Variants in KDM4C observed in about 807,000 individuals in gnomAD.
KDM4C encodes the protein lysine-specific demethylase 4C.
KDM4C carries 81 observed loss-of-function variants against 129.3 expected under a neutral mutation model. That is an observed-to-expected ratio of 0.63 (90% confidence interval 0.52 to 0.75). The LOEUF (loss-of-function observed/expected upper bound fraction) is 0.75, where lower values mean the gene tolerates loss of function less well. KDM4C is among the 30% of genes least tolerant of loss of function. The pLI, the probability that KDM4C is intolerant of heterozygous loss-of-function variation, is 0.00. For missense variants in KDM4C, 1,457 were observed against 1,304.0 expected, an observed-to-expected ratio of 1.12 and a Z score of -1.81; for synonymous variants, 573 against 456.1, an observed-to-expected ratio of 1.26 and a Z score of -3.26.
chr9:6,897,189 A>G (rs1234163760), intron 8 of KDM4C, among the ~76,000 whole-genome samples: 3 of 152,216 alleles, frequency 2.0e-5, no homozygotes. Flanking sequence ...AAACTGCCTC[A>G]TCTCTCAAAC....
intron 17 of KDM4C, among the ~76,000 whole-genome samples, chr9:7,056,673 A>AT (rs993612547): frequency 2.0e-5 from 3 of 152,170 alleles, no homozygotes; most frequent in African/African-American, 7.2e-5. Context: ...TTTTGAAGTC[A>AT]TTTTTTCCTG....
intron 12 of KDM4C, among the ~76,000 whole-genome samples, chr9:7,000,200 C>G (rs897570203): frequency 6.6e-6 from 1 of 152,126 alleles, no homozygotes; most frequent in African/African-American, 2.4e-5. Flanking sequence ...CTGGAAGTCC[C>G]AGTGGCGTTG....
chr9:7,047,266 A>G (rs1417888334), intron 16 of KDM4C, among the ~76,000 whole-genome samples: 1 of 152,104 alleles, frequency 6.6e-6, no homozygotes, highest in Non-Finnish European at 1.5e-5. Flanking sequence ...AAAACAGGGC[A>G]TACCTGAGAA....
intron 5 of KDM4C, among the ~76,000 whole-genome samples, chr9:6,856,067 C>T (rs989097785): frequency 2.6e-5 from 4 of 151,978 alleles, no homozygotes; most frequent in African/African-American, 4.8e-5. Context: ...TAGCATGCCT[C>T]TAGTGCCTGG....
At chr9:7,003,500 A>G (rs528462556) in intron 12 of KDM4C, among the ~76,000 whole-genome samples, 2 of 151,150 alleles carry the variant, frequency 1.3e-5, no homozygotes, top group African/African-American at 2.4e-5. Context: ...TTTAAAGTGT[A>G]TATAGAGTCA....
chr9:6,749,828 A>G (rs777895778), intron 1 of KDM4C, among the ~76,000 whole-genome samples: 22 of 149,836 alleles, frequency 1.5e-4, no homozygotes, highest in Non-Finnish European at 2.7e-4. Flanking sequence ...CTGTACTGAA[A>G]ATACAAAATT....
chr9:6,849,793 G>C, intron 5 of KDM4C, 93 bp downstream of exon 5: 1 of 1,027,498 alleles, frequency 9.7e-7, no homozygotes, highest in Non-Finnish European at 1.4e-6. Context: ...TGATTTGGTG[G>C]ATTCAGATTT....
At chr9:7,008,201 C>A (rs147976870) in intron 12 of KDM4C, among the ~76,000 whole-genome samples, 62 of 152,214 alleles carry the variant, frequency 4.1e-4, no homozygotes, top group Admixed American at 1.7e-3. Flanking sequence ...CCTCAGATCC[C>A]AATCTAAGGT....
At chr9:7,014,091 T>A in intron 14 of KDM4C, 90 bp downstream of exon 14, 1 of 953,330 alleles carries the variant, frequency 1.0e-6, no homozygotes, top group Non-Finnish European at 1.6e-6. Context: ...TCAGATCTGT[T>A]GCATGGACTA....
rs571061457 is a variant in KDM4C at position 6,810,092 on chromosome 9, G to C, written c.320+4318G>C. ...GCAATTCAAAATATTATTAAGACTT[G>C]AGCCTTGAAGTTCTTTCTTCTCTTG... On this transcript the variant is annotated intron_variant, in intron 3 of 21. Transcript: ENST00000381309. Among the ~76,000 whole-genome samples the C allele has an allele frequency of 2.2e-4, 34 of 152,272 alleles. 1 individual carries two copies. Among genetic ancestry groups the C allele is most frequent in the Admixed American group, 5.9e-4 (9 of 15,284 alleles).
intron 3 of KDM4C, among the ~76,000 whole-genome samples, chr9:6,807,346 G>T (rs373553437): frequency 6.8e-6 from 1 of 146,418 alleles, no homozygotes; most frequent in African/African-American, 2.6e-5. Flanking sequence ...GCCGCCCATC[G>T]TCTGGGATGT....
chr9:7,085,846 T>G (rs2132985407), intron 17 of KDM4C, among the ~76,000 whole-genome samples: 1 of 151,902 alleles, frequency 6.6e-6, no homozygotes, highest in African/African-American at 2.4e-5. Context: ...TCTTTCTTTT[T>G]TATTTTTCAT....
chr9:6,914,077 G>T (rs969597854), intron 8 of KDM4C, among the ~76,000 whole-genome samples: 2 of 151,106 alleles, frequency 1.3e-5, no homozygotes, highest in African/African-American at 4.9e-5. Context: ...CCTTTTTTTT[G>T]AGACGGAGTT....
At chr9:7,052,848 C>G (rs918743169) in intron 17 of KDM4C, among the ~76,000 whole-genome samples, 1 of 58,316 alleles carries the variant, frequency 1.7e-5, no homozygotes, top group Non-Finnish European at 3.4e-5. Flanking sequence ...CTAACCAGAG[C>G]TCTGGCCACA....
At chr9:7,159,881 T>C (rs1587930554) in intron 19 of KDM4C, among the ~76,000 whole-genome samples, 1 of 152,220 alleles carries the variant, frequency 6.6e-6, no homozygotes, top group East Asian at 1.9e-4. Flanking sequence ...TTGGACTCGC[T>C]TGCTAGGTTG....
chr9:6,754,822 C>T (rs1439420947), upstream of KDM4C, among the ~76,000 whole-genome samples: 2 of 147,630 alleles, frequency 1.4e-5, no homozygotes, highest in East Asian at 2.0e-4. Context: ...CTGTATTGAG[C>T]CGTGATAGTG....
chr9:6,986,602 G>A lies in KDM4C; in HGVS notation c.1613G>A (p.Gly538Asp). 6.2e-7 allele frequency: 1 copy of A among 1,614,088 alleles called. No individual in the cohort carries two copies. The highest frequency in any genetic ancestry group is 1.1e-5 in the South Asian group (1 of 91,082). Reference sequence around the variant, plus strand: ...AGTGATGTGGAGAGCCATGGGAATGGCCTTGAACCTGGGGAAATCCCAGCG... The same window carrying A: ...AGTGATGTGGAGAGCCATGGGAATGACCTTGAACCTGGGGAAATCCCAGCG... ...EESDVESHGNGLEPGEIPAVP... is the reference protein window; with the variant it reads ...EESDVESHGNDLEPGEIPAVP... Residue 538 changes from glycine (G) to aspartate (D), a missense_variant, in exon 11 of 22, where the codon GGC (glycine) becomes GAC (aspartate). Coordinates refer to ENST00000381309, the MANE Select transcript of KDM4C (RefSeq NM_015061.6).
At chr9:7,142,977 G>C (rs1841903269) in intron 19 of KDM4C, among the ~76,000 whole-genome samples, 1 of 152,094 alleles carries the variant, frequency 6.6e-6, no homozygotes, top group Admixed American at 6.5e-5. Context: ...CTGTTAATTG[G>C]ATGATGTTTA....
intron 8 of KDM4C, among the ~76,000 whole-genome samples, chr9:6,921,005 T>A (rs1821402827): frequency 6.6e-6 from 1 of 152,184 alleles, no homozygotes; most frequent in African/African-American, 2.4e-5. Context: ...GTTGTTCCTT[T>A]ATTATTTTTT....
Sources: allele counts gnomAD v4.1 joint callset (sites outside exome capture counted in the v4.1 genomes callset), GRCh38; gene constraint gnomAD v4.1.1; transcripts MANE v1.5; gene names NCBI Gene and HGNC (gene_info 2026-07-23, HGNC 2026-07-21).